Variants in SLFN12L observed in about 807,000 individuals in gnomAD.
SLFN12L encodes the protein schlafen family member 12 like.
In SLFN12L, 34 loss-of-function variants were observed where a neutral mutation model predicts 34.8. The observed-to-expected ratio is 0.98, with a 90% CI of 0.74 to 1.30. SLFN12L has a LOEUF of 1.30. Ranked by LOEUF, SLFN12L falls within the 50% of genes most tolerant of loss-of-function variation. SLFN12L has a pLI of 0.00. For synonymous variants in SLFN12L, 259 were observed against 247.5 expected (o/e 1.05, Z -0.44); for missense variants, 703 against 696.2 (o/e 1.01, Z -0.11).
At chr17:35,494,247 A>G (rs562600401) in intron 2 of SLFN12L, among the ~76,000 whole-genome samples, 2 of 152,214 alleles carry the variant, frequency 1.3e-5, no homozygotes, top group South Asian at 4.1e-4. Context: ...AACAACAAAA[A>G]AGCTTTTATG....
intron 4 of SLFN12L, among the ~76,000 whole-genome samples, chr17:35,477,807 G>A (rs998804262): frequency 1.3e-5 from 2 of 152,058 alleles, no homozygotes; most frequent in African/African-American, 4.8e-5. Context: ...TATTGCTGGT[G>A]GAAGTAAAGT....
intron 2 of SLFN12L, among the ~76,000 whole-genome samples, chr17:35,495,978 G>A (rs1386131987): frequency 4.6e-5 from 7 of 151,626 alleles, no homozygotes; most frequent in Admixed American, 3.9e-4. Context: ...AGTGTCTACA[G>A]CGCCTTCGGG....
chr17:35,498,522 C>T, intron 2 of SLFN12L: 2 of 1,239,748 alleles, frequency 1.6e-6, no homozygotes, highest in South Asian at 2.4e-5. Flanking sequence ...CTTTGTCTGC[C>T]TCCATCTCAG....
At chr17:35,529,269 T>C (rs1249634112) in intron 1 of SLFN12L, among the ~76,000 whole-genome samples, 2 of 152,192 alleles carry the variant, frequency 1.3e-5, no homozygotes, top group Non-Finnish European at 2.9e-5. Context: ...AGTTCCACCA[T>C]TGTGGAAGAC....
At chr17:35,529,079 C>T (rs1171822534) in intron 1 of SLFN12L, among the ~76,000 whole-genome samples, 1 of 152,106 alleles carries the variant, frequency 6.6e-6, no homozygotes, top group African/African-American at 2.4e-5. Context: ...ATGCACCCAA[C>T]AAACATATGA....
chr17:35,502,733 G>T (rs1331464933), intron 2 of SLFN12L, among the ~76,000 whole-genome samples: 3 of 152,192 alleles, frequency 2.0e-5, no homozygotes, highest in Non-Finnish European at 4.4e-5. Context: ...AGTTAACAGT[G>T]TAACATGTAT....
rs1916033924 is a variant in SLFN12L at position 35,522,679 on chromosome 17, A to G, written c.-315T>C. 3.7e-6 allele frequency: 6 copies of G among 1,613,700 alleles called. No homozygotes were observed. The East Asian group carries it at 1.3e-4, about 36-fold the overall frequency. The stretch of plus-strand genomic sequence containing the variant: ...GCAGAGGACCTTGGCCCTGACACAC[A>G]CCTCCCCAGTGTAGCCCCCCATGTT... On this transcript the variant is annotated 5_prime_UTR_variant, in exon 2 of 5. Transcript: ENST00000628453.
At chr17:35,536,891 C>T (rs2072467073) in intron 1 of SLFN12L, among the ~76,000 whole-genome samples, 1 of 151,728 alleles carries the variant, frequency 6.6e-6, no homozygotes, top group Non-Finnish European at 1.5e-5. Context: ...TCTTCACAGG[C>T]GAGGCTGGGT....
At chr17:35,500,716 G>A (rs1199875288) in intron 2 of SLFN12L, among the ~76,000 whole-genome samples, 6 of 144,068 alleles carry the variant, frequency 4.2e-5, no homozygotes, top group South Asian at 4.6e-4. Flanking sequence ...GTGACAGAGC[G>A]AGACTCTGTC....
intron 1 of SLFN12L, among the ~76,000 whole-genome samples, chr17:35,533,616 G>A (rs141153171): frequency 6.6e-6 from 1 of 152,194 alleles, no homozygotes. Context: ...GGTGAAGAAG[G>A]GGGGGAAGAA....
intron 2 of SLFN12L, among the ~76,000 whole-genome samples, chr17:35,494,401 T>C (rs1188857078): frequency 6.6e-6 from 1 of 152,136 alleles, no homozygotes; most frequent in East Asian, 1.9e-4. Context: ...ATATCCTTAA[T>C]CTGTTAAAGA....
chr17:35,490,357 C>T, intron 2 of SLFN12L: 1 of 1,337,888 alleles, frequency 7.5e-7, no homozygotes, highest in Non-Finnish European at 1.1e-6. Context: ...AAACACGGTA[C>T]GATAGTCTCT....
At chr17:35,489,410 G>A (rs1263015845) in intron 2 of SLFN12L, among the ~76,000 whole-genome samples, 1 of 152,038 alleles carries the variant, frequency 6.6e-6, no homozygotes, top group African/African-American at 2.4e-5. Context: ...TAAAATAACC[G>A]GGCGTGGTGG....
intron 1 of SLFN12L, among the ~76,000 whole-genome samples, chr17:35,530,533 AAAAGAAAAG>A (rs1248438146): frequency 0.098 from 3,371 of 34,240 alleles, 475 homozygotes; most frequent in African/African-American, 0.17. Flanking sequence ...AAAAGAAAAG[AAAAGAAAAG>A]AAAGAAAGAA....
In SLFN12L at chr17:35,468,903, C is replaced by A. The variant is rs1433526376; in HGVS notation, c.*6020G>T. On this transcript the variant is annotated 3_prime_UTR_variant, in exon 5 of 5. Transcript: ENST00000628453. Reference sequence around the variant, plus strand: ...TGGTGGTGTACACCTGTAGTCCCAGCTACTCAAGAGTCTGAGGCAGGAGAA... The same window carrying A: ...TGGTGGTGTACACCTGTAGTCCCAGATACTCAAGAGTCTGAGGCAGGAGAA... Among the ~76,000 whole-genome samples the A allele has an allele frequency of 6.6e-6, 1 of 152,142 alleles. No homozygotes were observed. The highest frequency in any genetic ancestry group is 1.5e-5 in the Non-Finnish European group (1 of 68,026).
rs2142161676 is a variant in SLFN12L, at chr17:35,514,469, T to A, written c.86+7810A>T. Among the ~76,000 whole-genome samples the A allele has an allele frequency of 2.0e-5, 3 of 152,032 alleles. No homozygotes were observed. The South Asian group carries it at 6.2e-4, about 32-fold the overall frequency. Reference sequence around the variant, plus strand: ...ATCTTTCAACACTGAGCCCTGGGTGTTTTCAACATAAGCAAGGCCATATGC... The same window carrying A: ...ATCTTTCAACACTGAGCCCTGGGTGATTTCAACATAAGCAAGGCCATATGC... On this transcript the variant is annotated intron_variant, in intron 2 of 4. Coordinates refer to ENST00000628453, the MANE Select transcript of SLFN12L (RefSeq NM_001363830.2).
At chr17:35,505,431 A>C (rs1437204924) in intron 2 of SLFN12L, among the ~76,000 whole-genome samples, 1 of 152,234 alleles carries the variant, frequency 6.6e-6, no homozygotes. Context: ...CAAGAGGTGG[A>C]TAAGCTAACT....
intron 2 of SLFN12L, among the ~76,000 whole-genome samples, chr17:35,511,659 G>A (rs964854131): frequency 6.6e-6 from 1 of 151,954 alleles, no homozygotes; most frequent in Admixed American, 6.6e-5. Context: ...TGAGGTGGAA[G>A]GATCCCTTGA....
rs781605667 is a variant in SLFN12L at position 35,479,452 on chromosome 17, C to G, written c.830G>C (p.Gly277Ala). 5.0e-6 allele frequency: 8 copies of G among 1,614,138 alleles called. No individual in the cohort carries two copies. In the Admixed American group the frequency reaches 8.3e-5, roughly 17 times the overall value. Reference sequence around the variant, plus strand: ...TTCATTTAGACCAACGAATAAATATCCTCCATCAGTATTTGCAAATGCAGA... The same window carrying G: ...TTCATTTAGACCAACGAATAAATATGCTCCATCAGTATTTGCAAATGCAGA... Reference protein sequence around the residue: ...YVSAFANTDGGYLFVGLNEDK... With the variant: ...YVSAFANTDGAYLFVGLNEDK... The change falls in exon 3 of 5, where the codon GGA becomes GCA. Residue 277 changes from glycine to alanine, a missense_variant. Coordinates refer to ENST00000628453, the MANE Select transcript of SLFN12L (RefSeq NM_001363830.2).
Sources: allele counts gnomAD v4.1 joint callset (sites outside exome capture counted in the v4.1 genomes callset), GRCh38; gene constraint gnomAD v4.1.1; transcripts MANE v1.5; gene names NCBI Gene and HGNC (gene_info 2026-07-23, HGNC 2026-07-21).